Variants in PALLD observed in about 807,000 individuals in gnomAD.
The protein encoded by PALLD is palladin.
In PALLD, 61 loss-of-function variants were observed where a neutral mutation model predicts 123.5. That is an observed-to-expected ratio of 0.49 (90% confidence interval 0.40 to 0.61). The LOEUF is 0.61. Among genes scored for constraint, PALLD ranks in the 20% least tolerant of loss-of-function variants. The pLI is 0.00. For synonymous variants in PALLD, 465 were observed against 496.4 expected (o/e 0.94, Z 0.84); for missense variants, 1,273 against 1,377.0 (o/e 0.92, Z 1.20).
Position 168,928,007 on chromosome 4 carries a change from T to G in PALLD, c.*1827T>G, listed in dbSNP as rs191203497. On this transcript the variant is annotated 3_prime_UTR_variant, in exon 22 of 22. Transcript: ENST00000505667. The stretch of plus-strand genomic sequence containing the variant: ...TTATATCTGTGTACCACCCCATATA[T>G]TTCATATTACTGTTTCACATGTACA... The G allele has an allele frequency of 2.5e-4, 49 of 195,542 alleles. No individual in the cohort carries two copies. In the Admixed American group the frequency reaches 2.6e-3, roughly 10 times the overall value. The allele number at this position is 195,542 out of a possible 1,614,324, so 12.1% of individuals were successfully genotyped here. A position where few individuals can be genotyped will look rare whatever the true frequency, so the allele number is the denominator to read the frequency against.
chr4:168,579,891 G>A (rs892893173), intron 2 of PALLD, among the ~76,000 whole-genome samples: 1 of 151,756 alleles, frequency 6.6e-6, no homozygotes, highest in African/African-American at 2.4e-5. Flanking sequence ...TGTGTGTGTG[G>A]TGAGAATACT....
At chr4:168,578,690 G>A (rs1023990862) in intron 2 of PALLD, among the ~76,000 whole-genome samples, 12 of 151,932 alleles carry the variant, frequency 7.9e-5, no homozygotes, top group African/African-American at 2.9e-4. Flanking sequence ...AAAACACAGA[G>A]GAGTTAGATA....
At chr4:168,856,554 G>A (rs567769483) in intron 10 of PALLD, among the ~76,000 whole-genome samples, 1 of 152,244 alleles carries the variant, frequency 6.6e-6, no homozygotes, top group South Asian at 2.1e-4. Context: ...GGTGTGAGAT[G>A]GTATCTCATC....
chr4:168,641,073 C>T (rs557750093), intron 2 of PALLD, among the ~76,000 whole-genome samples: 59 of 151,998 alleles, frequency 3.9e-4, no homozygotes, highest in East Asian at 3.1e-3. Flanking sequence ...CCAGGCGTGG[C>T]GGCATGTGCC....
At chr4:168,723,834 G>A (rs1285965692) in intron 10 of PALLD, among the ~76,000 whole-genome samples, 2 of 151,368 alleles carry the variant, frequency 1.3e-5, no homozygotes, top group African/African-American at 4.9e-5. Flanking sequence ...TTAGTTACGT[G>A]GTAGCACCAT....
chr4:168,681,600 C>T lies in PALLD; in HGVS notation c.1154+202C>T, dbSNP rs532445585. Among the ~76,000 whole-genome samples, 7 of 138,496 alleles carry T rather than the reference C, an allele frequency of 5.1e-5. No homozygotes were observed. In the East Asian group the frequency reaches 1.5e-3, roughly 29 times the overall value. The allele number at this position is 138,496 out of a possible 152,430, so 90.9% of individuals were successfully genotyped here. A position where few individuals can be genotyped will look rare whatever the true frequency, so the allele number is the denominator to read the frequency against. On this transcript the variant is annotated intron_variant, in intron 4 of 21. Coordinates refer to ENST00000505667, the MANE Select transcript of PALLD (RefSeq NM_001166108.2). ...TCACTCTGTCACCCAGGTTGAAGTA[C>T]GGTGGTGCGACATGGCTCACTGAAG...
chr4:168,831,398 A>G (rs1241568664), intron 10 of PALLD, among the ~76,000 whole-genome samples: 1 of 152,220 alleles, frequency 6.6e-6, no homozygotes, highest in Non-Finnish European at 1.5e-5. Context: ...TTGCTAGATC[A>G]AATGCTTTAC....
chr4:168,878,467 T>C, intron 10 of PALLD: 2 of 1,167,604 alleles, frequency 1.7e-6, no homozygotes, highest in Non-Finnish European at 2.3e-6. Flanking sequence ...CACATCTCCA[T>C]ACACGCGCTC....
chr4:168,644,492 T>C (rs1777252298), intron 2 of PALLD, among the ~76,000 whole-genome samples: 1 of 152,202 alleles, frequency 6.6e-6, no homozygotes, highest in Admixed American at 6.5e-5. Context: ...AGGTAGGTTG[T>C]AGCATCTCTG....
At chr4:168,925,704 T>TG (rs1762450200) in intron 21 of PALLD, among the ~76,000 whole-genome samples, 2 of 152,050 alleles carry the variant, frequency 1.3e-5, no homozygotes, top group Non-Finnish European at 2.9e-5. Context: ...TAGAAAAAAA[T>TG]TAAGAATTTA....
intron 2 of PALLD, among the ~76,000 whole-genome samples, chr4:168,618,794 T>A (rs558955899): frequency 3.1e-4 from 47 of 152,348 alleles, no homozygotes; most frequent in African/African-American, 1.1e-3. Context: ...TACTGACTGC[T>A]ATCAAATATG....
chr4:168,705,628 C>T (rs1232279667), intron 8 of PALLD, among the ~76,000 whole-genome samples: 1 of 152,110 alleles, frequency 6.6e-6, no homozygotes, highest in African/African-American at 2.4e-5. Context: ...CTTAAATTAG[C>T]ATTTTTGGCT....
At chr4:168,732,581 T>C (rs62333924) in intron 10 of PALLD, among the ~76,000 whole-genome samples, 8,263 of 152,164 alleles carry the variant, frequency 0.054, 287 homozygotes, top group South Asian at 0.091. Flanking sequence ...CAAATATCTA[T>C]AAGGCTAGGA....
At position 168,878,204 on chromosome 4, in the gene PALLD, C is replaced by T. The variant is rs570874237; in HGVS notation, c.1965-12718C>T. On this transcript the variant is annotated intron_variant, in intron 10 of 21. Transcript: ENST00000505667. Reference sequence around the variant, plus strand: ...CAGCCCCACGGCTGCCTTCCCGGTGCCCGACGTGTTCCCACTGCCGCCGCC... The same window carrying T: ...CAGCCCCACGGCTGCCTTCCCGGTGTCCGACGTGTTCCCACTGCCGCCGCC... 155 of 1,515,426 alleles carry T rather than the reference C, an allele frequency of 1.0e-4. 1 individual carries two copies. In the South Asian group the frequency reaches 1.4e-3, roughly 14 times the overall value. 93.9% of individuals were successfully genotyped at this position (1,515,426 alleles called of 1,614,324 possible).
At chr4:168,833,834 G>A (rs1185882558) in intron 10 of PALLD, among the ~76,000 whole-genome samples, 1 of 149,734 alleles carries the variant, frequency 6.7e-6, no homozygotes, top group Non-Finnish European at 1.5e-5. Flanking sequence ...TTTTCCCCAT[G>A]TCTGTTTAGA....
intron 10 of PALLD, among the ~76,000 whole-genome samples, chr4:168,733,400 T>C (rs550311832): frequency 6.6e-6 from 1 of 152,296 alleles, no homozygotes; most frequent in African/African-American, 2.4e-5. Flanking sequence ...AGTAGACAAG[T>C]TCTAAATCTT....
At chr4:168,745,592 T>C (rs903519552) in intron 10 of PALLD, among the ~76,000 whole-genome samples, 1 of 152,226 alleles carries the variant, frequency 6.6e-6, no homozygotes. Flanking sequence ...TATGTATGGT[T>C]GCAATCCCAT....
intron 2 of PALLD, among the ~76,000 whole-genome samples, chr4:168,575,786 A>C (rs968185721): frequency 1.3e-5 from 2 of 152,062 alleles, no homozygotes; most frequent in African/African-American, 4.8e-5. Context: ...GCATTCTAAG[A>C]AGTTTCCAAG....
intron 10 of PALLD, among the ~76,000 whole-genome samples, chr4:168,795,042 C>T (rs759614023): frequency 2.6e-5 from 4 of 152,160 alleles, no homozygotes; most frequent in Admixed American, 2.0e-4. Flanking sequence ...ACTGTGTGCT[C>T]ATGCGGTGGA....
Sources: allele counts gnomAD v4.1 joint callset (sites outside exome capture counted in the v4.1 genomes callset), GRCh38; gene constraint gnomAD v4.1.1; transcripts MANE v1.5; gene names NCBI Gene and HGNC (gene_info 2026-07-23, HGNC 2026-07-21).